Variants in TG observed in about 807,000 individuals in gnomAD.
TG encodes thyroglobulin, also known as thyroid hormones.
A neutral mutation model predicts 324.7 loss-of-function variants in TG; 270 were observed. The ratio of observed to expected loss-of-function variants is 0.83; its 90% CI spans 0.75 to 0.92. The LOEUF (loss-of-function observed/expected upper bound fraction) is 0.92, where lower values mean the gene tolerates loss of function less well. Ranked by LOEUF, TG falls within the 40% of genes least tolerant of loss-of-function variation. The pLI is 0.00. For synonymous variants in TG, 1,401 were observed against 1,327.0 expected, an observed-to-expected ratio of 1.06 and a Z score of -1.21; for missense variants, 3,591 against 3,456.4, an observed-to-expected ratio of 1.04 and a Z score of -0.98.
chr8:132,905,128 TTAAA>T (rs1311804463), intron 16 of TG, among the ~76,000 whole-genome samples: 3 of 152,198 alleles, frequency 2.0e-5, no homozygotes, highest in Non-Finnish European at 4.4e-5. Flanking sequence ...ATAGTAGTTT[TTAAA>T]TAAATACTCC....
intron 45 of TG, among the ~76,000 whole-genome samples, chr8:133,119,465 C>A (rs1343577142): frequency 6.6e-6 from 1 of 152,184 alleles, no homozygotes. Flanking sequence ...AGTCCAAGAT[C>A]AAGGCATGGG....
At chr8:133,017,668 C>A in intron 37 of TG, 110 bp from the exon 38 acceptor site, 1 of 1,087,820 alleles carries the variant, frequency 9.2e-7, no homozygotes, top group Admixed American at 1.8e-5. Flanking sequence ...TTTCAAGGTG[C>A]AAAAACCGTG....
intron 41 of TG, among the ~76,000 whole-genome samples, chr8:133,077,371 T>C (rs1320088478): frequency 6.6e-6 from 1 of 152,072 alleles, no homozygotes; most frequent in African/African-American, 2.4e-5. Context: ...GGCCGCAGGC[T>C]CTTCTCTGTT....
rs140063357 is a variant in TG at position 132,948,917 on chromosome 8, G to A, written c.5375G>A (p.Arg1792His). The A allele has an allele frequency of 3.1e-4, 499 of 1,613,788 alleles. No homozygotes were observed. The highest frequency in any genetic ancestry group is 4.9e-4 in the Middle Eastern group (3 of 6,084). Residue 1792 changes from arginine (R) to histidine (H), a missense_variant, in exon 27 of 48, where the codon CGT becomes CAT. Physicochemically the swap from Arg to His is conservative, Grantham distance 29. Transcript: ENST00000220616. ...CAGGAGAGCCACCAGGTGATATTGCGTCTTGGAGACCAGGAGTTCATCAAG... is the reference window on the plus strand; with the variant it reads ...CAGGAGAGCCACCAGGTGATATTGCATCTTGGAGACCAGGAGTTCATCAAG... ...YDQESHQVIL[R>H]LGDQEFIKSL...
intron 35 of TG, chr8:133,002,288 A>G: frequency 1.0e-6 from 1 of 985,390 alleles, no homozygotes; most frequent in Non-Finnish European, 1.2e-6. Context: ...GTGATGTGTA[A>G]TTTTTTGGGC....
At chr8:132,977,513 T>C (rs959163128) in intron 34 of TG, among the ~76,000 whole-genome samples, 9 of 152,052 alleles carry the variant, frequency 5.9e-5, no homozygotes, top group Admixed American at 1.3e-4. Flanking sequence ...ACTGGTTAAT[T>C]TACAAAAGAA....
At chr8:132,938,598 TA>T in intron 25 of TG, among the ~76,000 whole-genome samples, 1 of 152,104 alleles carries the variant, frequency 6.6e-6, no homozygotes, top group African/African-American at 2.4e-5. Context: ...GAATCACTGA[TA>T]GGGGAATAGA....
intron 41 of TG, among the ~76,000 whole-genome samples, chr8:133,055,815 T>C (rs186405601): frequency 0.014 from 2,008 of 147,980 alleles, 21 homozygotes; most frequent in Middle Eastern, 0.024. Flanking sequence ...TTCCTCCCCC[T>C]CCTCATCACC....
chr8:133,005,684 A>G (rs1587741082), intron 35 of TG, among the ~76,000 whole-genome samples: 1 of 152,112 alleles, frequency 6.6e-6, no homozygotes, highest in Admixed American at 6.5e-5. Flanking sequence ...ACTGTGTCCC[A>G]TTTTTGACAT....
chr8:132,959,655 T>C (rs1237470787), intron 27 of TG, among the ~76,000 whole-genome samples: 1 of 152,148 alleles, frequency 6.6e-6, no homozygotes, highest in African/African-American at 2.4e-5. Flanking sequence ...CTCCTTAGTG[T>C]GGTGATTAGG....
intron 43 of TG, among the ~76,000 whole-genome samples, chr8:133,100,642 T>C (rs561128683): frequency 1.3e-5 from 2 of 152,248 alleles, no homozygotes; most frequent in South Asian, 4.2e-4. Flanking sequence ...CAGTTCTATC[T>C]GCCTCCAAAT....
chr8:132,944,204 C>G (rs896096213), intron 26 of TG, among the ~76,000 whole-genome samples: 1 of 152,174 alleles, frequency 6.6e-6, no homozygotes, highest in Non-Finnish European at 1.5e-5. Context: ...TCCTGTTGCT[C>G]TCTTATTATT....
At chr8:132,950,840 T>C (rs1400285810) in intron 27 of TG, among the ~76,000 whole-genome samples, 3 of 152,194 alleles carry the variant, frequency 2.0e-5, no homozygotes, top group East Asian at 1.9e-4. Flanking sequence ...AAATGACTTA[T>C]GTAGCACACC....
intron 35 of TG, chr8:132,989,051 G>A (rs1200209917): frequency 2.4e-5 from 6 of 247,648 alleles, no homozygotes; most frequent in Non-Finnish European, 3.2e-5. Flanking sequence ...CACATCTTAC[G>A]TGGATGACAG....
At chr8:133,067,897 AGGAAGGAAGGAAGGAAGGAAAG>A (rs879677295) in intron 41 of TG, among the ~76,000 whole-genome samples, 34,483 of 115,870 alleles carry the variant, frequency 0.3, 4,338 homozygotes, top group Non-Finnish European at 0.35. Context: ...TATGTATGGA[AGGAAGGAAGGAAGGAAGGAAAG>A]AGAGAGAGAG....
At chr8:132,890,468 G>A (rs1438202271) in intron 10 of TG, among the ~76,000 whole-genome samples, 1 of 152,164 alleles carries the variant, frequency 6.6e-6, no homozygotes, top group Non-Finnish European at 1.5e-5. Context: ...TAAAGATTCA[G>A]TATCTCAGAC....
At chr8:132,967,660 A>G (rs748313548) in intron 30 of TG, 134 bp from the exon 31 acceptor site, 32 of 985,836 alleles carry the variant, frequency 3.2e-5, no homozygotes, top group Non-Finnish European at 4.6e-5. Context: ...CTGGATGATC[A>G]TGACAGTCTC....
intron 35 of TG, among the ~76,000 whole-genome samples, chr8:132,984,289 T>C (rs1373810747): frequency 6.6e-6 from 1 of 152,258 alleles, no homozygotes; most frequent in African/African-American, 2.4e-5. Flanking sequence ...AAACCAGGGC[T>C]GTGGCTAAAA....
At chr8:132,883,054 G>C in intron 8 of TG, 55 bp downstream of exon 8, 1 of 1,581,654 alleles carries the variant, frequency 6.3e-7, no homozygotes. Flanking sequence ...TACTTTGGCG[G>C]TCCTCCAGAC....
Sources: gnomAD v4.1 joint callset for allele counts (sites outside exome capture counted in the v4.1 genomes callset) on GRCh38, gnomAD v4.1.1 for gene constraint, MANE v1.5 for transcripts, NCBI Gene and HGNC (gene_info 2026-07-23, HGNC 2026-07-21) for gene names.